Variants in ATXN2L observed in about 807,000 individuals in gnomAD.
The protein encoded by ATXN2L is ataxin-2-like protein.
ATXN2L carries 24 observed loss-of-function variants against 120.7 expected under a neutral mutation model. The observed-to-expected ratio is 0.20, with a 90% CI of 0.14 to 0.28. ATXN2L has a LOEUF of 0.28. ATXN2L is among the 10% of genes least tolerant of loss of function. The pLI, the probability that ATXN2L is intolerant of heterozygous loss-of-function variation, is 1.00. For missense variants in ATXN2L, 1,312 were observed against 1,432.3 expected (o/e 0.92, Z 1.36); for synonymous variants, 653 against 568.1 (o/e 1.15, Z -2.13).
At chr16:28,826,160 T>C in intron 4 of ATXN2L, 80 bp from the exon 5 acceptor site, 1 of 1,546,100 alleles carries the variant, frequency 6.5e-7, no homozygotes, top group South Asian at 1.2e-5. Flanking sequence ...TCCAGTTCTA[T>C]TTAAGAGAAA....
intron 15 of ATXN2L, chr16:28,833,802 A>G (rs550842366): frequency 3.3e-6 from 2 of 609,408 alleles, no homozygotes; most frequent in Non-Finnish European, 5.7e-6. Context: ...GGAGTGGGGT[A>G]GTCATGAACA....
At position 28,825,888 on chromosome 16, in the gene ATXN2L, G is replaced by A. The variant is rs768165631; in HGVS notation, c.465+47G>A. ...TATTTTTGGAGTTGCAGAGTAGGAG[G>A]AGAATGAAATAGGCTCATTGAAGGT... On this transcript the variant is annotated intron_variant, in intron 4 of 21. Transcript: ENST00000336783. The A allele has an allele frequency of 5.2e-6, 8 of 1,529,094 alleles. No individual in the cohort carries two copies. The South Asian group carries it at 7.8e-5, about 15-fold the overall frequency. 94.7% of individuals were successfully genotyped at this position (1,529,094 alleles called of 1,614,324 possible).
intron 13 of ATXN2L, 64 bp from the exon 14 acceptor site, chr16:28,832,995 T>A (rs577333857): frequency 8.8e-6 from 14 of 1,594,180 alleles, no homozygotes; most frequent in Admixed American, 3.5e-5. Flanking sequence ...CAAAAAAGGA[T>A]GAAAGAAGAA....
chr16:28,823,359 C>A lies in ATXN2L; in HGVS notation c.100C>A (p.Pro34Thr). ...ARRPPGGTSP[P>T]NGGLPGPLAT... ...TCGGCCCCCCGGGGGCACCAGCCCT[C>A]CCAACGGCGGCCTCCCGGGGCCGCT... The change falls in exon 1 of 22, where the codon CCC becomes ACC. Residue 34 changes from proline to threonine, a missense_variant. By Grantham distance (38) the Pro-to-Thr change is conservative. Coordinates refer to ENST00000336783, the MANE Select transcript of ATXN2L (RefSeq NM_007245.4). 7.4e-7 allele frequency: 1 copy of A among 1,360,368 alleles called. No homozygotes were observed. The highest frequency in any genetic ancestry group is 9.4e-7 in the Non-Finnish European group (1 of 1,058,954). 84.3% of individuals were successfully genotyped at this position (1,360,368 alleles called of 1,614,324 possible).
rs200160775 is a variant in ATXN2L at position 28,825,739 on chromosome 16, G to A, written c.394-31G>A. ...GAACGTAATGCATCTACTTTCTGGAGACACTCTTCTTATTTTTCCCACTCT... is the reference window on the plus strand; with the variant it reads ...GAACGTAATGCATCTACTTTCTGGAAACACTCTTCTTATTTTTCCCACTCT... On this transcript the variant is annotated intron_variant, in intron 3 of 21. Coordinates refer to ENST00000336783, the MANE Select transcript of ATXN2L (RefSeq NM_007245.4). 2 of 1,613,536 alleles carry A rather than the reference G, an allele frequency of 1.2e-6. 1 individual carries two copies. The highest frequency in any genetic ancestry group is 4.5e-5 in the East Asian group (2 of 44,884).
At chr16:28,833,611 G>A in intron 15 of ATXN2L, 103 bp downstream of exon 15, 1 of 1,214,376 alleles carries the variant, frequency 8.2e-7, no homozygotes, top group Non-Finnish European at 1.2e-6. Flanking sequence ...AGGACCACTT[G>A]CCTGGCAGGC....
chr16:28,824,017 T>G, intron 1 of ATXN2L: 1 of 819,458 alleles, frequency 1.2e-6, no homozygotes, highest in Non-Finnish European at 1.5e-6. Flanking sequence ...AGGGAGGGAC[T>G]TGGGAGCGGG....
intron 4 of ATXN2L, 192 bp from the exon 5 acceptor site, chr16:28,826,048 A>G (rs757800885): frequency 6.0e-6 from 5 of 831,312 alleles, no homozygotes; most frequent in Non-Finnish European, 9.2e-6. Flanking sequence ...TTTTTGTGAG[A>G]CTTTTGCTAA....
At chr16:28,826,715 C>G (rs2052192535) in intron 5 of ATXN2L, 147 bp from the exon 6 acceptor site, 4 of 955,138 alleles carry the variant, frequency 4.2e-6, no homozygotes, top group African/African-American at 3.3e-5. Context: ...CCTCCCCACC[C>G]CCTGGCCATC....
At position 28,832,325 on chromosome 16, in the gene ATXN2L, C is replaced by T; in HGVS notation, c.1442C>T (p.Thr481Ile). ...VPTSSASIPV[T>I]SSVSDPGVGS... The stretch of plus-strand genomic sequence containing the variant: ...ACCTCTTCAGCCTCCATCCCTGTGA[C>T]CTCATCAGTCTCAGATCCTGGAGTG... The change falls in exon 11 of 22, where the codon ACC becomes ATC. Residue 481 changes from threonine (T) to isoleucine (I), a missense_variant. Physicochemically the swap from Thr to Ile is moderately conservative, Grantham distance 89. Coordinates refer to ENST00000336783, the MANE Select transcript of ATXN2L (RefSeq NM_007245.4). 1 of 1,614,226 alleles carries T rather than the reference C, an allele frequency of 6.2e-7. No homozygotes were observed. Among genetic ancestry groups the T allele is most frequent in the Non-Finnish European group, 8.5e-7 (1 of 1,180,044 alleles).
Position 28,837,023 on chromosome 16 carries a change from C to T in ATXN2L, c.*758C>T, listed in dbSNP as rs532321150. ...ACCCAGTCTTGCCCTCCCATCCTCT[C>T]ATCTATTCCCCCGCTGGAGACGGAA... On this transcript the variant is annotated 3_prime_UTR_variant, in exon 22 of 22. Transcript: ENST00000336783. The T allele has an allele frequency of 5.9e-6, 4 of 672,394 alleles. No individual in the cohort carries two copies. Among genetic ancestry groups the T allele is most frequent in the Non-Finnish European group, 1.1e-5 (4 of 367,230 alleles). 41.7% of individuals were successfully genotyped at this position (672,394 alleles called of 1,614,324 possible).
chr16:28,830,130 G>A (rs532941659), intron 8 of ATXN2L, 72 bp downstream of exon 8: 5 of 1,420,734 alleles, frequency 3.5e-6, no homozygotes, highest in South Asian at 2.7e-5. Context: ...CAGAGTTGAT[G>A]AGTGCTGTGG....
At position 28,834,528 on chromosome 16, in the gene ATXN2L, G is replaced by T; in HGVS notation, c.2268G>T (p.Ser756=). Residue 756 remains serine (S), a synonymous_variant, in exon 18 of 22, where the codon TCG becomes TCT. Transcript: ENST00000336783. ...GAKGSLPPQR[S]DQHQPASAPP... ...CAGGCTCCCTTCCTCCGCAGCGCTC[G>T]GACCAACACCAGCCAGCCTCAGCCC... The T allele has an allele frequency of 1.2e-6, 2 of 1,610,664 alleles. No individual in the cohort carries two copies. The highest frequency in any genetic ancestry group is 8.5e-7 in the Non-Finnish European group (1 of 1,179,556).
At chr16:28,826,174 A>C in intron 4 of ATXN2L, 66 bp from the exon 5 acceptor site, 2 of 1,574,984 alleles carry the variant, frequency 1.3e-6, no homozygotes, top group South Asian at 1.1e-5. Flanking sequence ...AGAGAAATCC[A>C]GTTCTATTTT....
Position 28,823,223 on chromosome 16 carries a change from T to C in ATXN2L, c.-37T>C. On this transcript the variant is annotated 5_prime_UTR_variant, in exon 1 of 22. Coordinates refer to ENST00000336783, the MANE Select transcript of ATXN2L (RefSeq NM_007245.4). ...CCCCAGCCCCGGCCCCCTCTCTCCC[T>C]CCCTTCTCTCTAATTCCCCTTCCGG... is the stretch of plus-strand genomic sequence containing the variant. The C allele has an allele frequency of 2.5e-6, 3 of 1,190,788 alleles. No homozygotes were observed. Among genetic ancestry groups the C allele is most frequent in the Non-Finnish European group, 3.3e-6 (3 of 922,142 alleles). 73.8% of individuals were successfully genotyped at this position (1,190,788 alleles called of 1,614,324 possible).
At position 28,829,732 on chromosome 16, in the gene ATXN2L, C is replaced by T. The variant is rs985763783; in HGVS notation, c.834-126C>T. 3 of 1,038,706 alleles carry T rather than the reference C, an allele frequency of 2.9e-6. No individual in the cohort carries two copies. In the Admixed American group the frequency reaches 6.0e-5, roughly 21 times the overall value. 64.3% of individuals were successfully genotyped at this position (1,038,706 alleles called of 1,614,324 possible). ...TGGGATGCAGTCGGTGCCCGTTACC[C>T]AGATGTTGAAGGGATTAAATACTTC... On this transcript the variant is annotated intron_variant, in intron 7 of 21. Coordinates refer to ENST00000336783, the MANE Select transcript of ATXN2L (RefSeq NM_007245.4).
intron 1 of ATXN2L, chr16:28,824,348 A>G: frequency 3.3e-6 from 4 of 1,206,994 alleles, no homozygotes; most frequent in Non-Finnish European, 4.2e-6. Flanking sequence ...GTGGGCTCTG[A>G]TCGCTGGAGG....
chr16:28,825,409 G>T lies in ATXN2L; in HGVS notation c.336+7G>T, dbSNP rs1396072246. Reference sequence around the variant, plus strand: ...GGGACCCCCACAGTCACCTGTGAGTGTCTTCTCCCACCCTGTTTAAGATAC... The same window carrying T: ...GGGACCCCCACAGTCACCTGTGAGTTTCTTCTCCCACCCTGTTTAAGATAC... On this transcript the variant is annotated splice_region_variant and intron_variant, in intron 2 of 21. Coordinates refer to ENST00000336783, the MANE Select transcript of ATXN2L (RefSeq NM_007245.4). 1 of 1,613,432 alleles carries T rather than the reference G, an allele frequency of 6.2e-7. No individual in the cohort carries two copies. The highest frequency in any genetic ancestry group is 8.5e-7 in the Non-Finnish European group (1 of 1,179,758).
chr16:28,825,718 G>T (rs774945616), intron 3 of ATXN2L, 38 bp downstream of exon 3: 1 of 1,613,020 alleles, frequency 6.2e-7, no homozygotes, highest in Admixed American at 1.7e-5. Context: ...TTTAAGGAAC[G>T]TAATGCATCT....
Sources: allele counts gnomAD v4.1 joint callset, GRCh38; gene constraint gnomAD v4.1.1; transcripts MANE v1.5; gene names NCBI Gene and HGNC (gene_info 2026-07-23, HGNC 2026-07-21).